Variants in SLC9A9 observed in about 807,000 individuals in gnomAD.
SLC9A9 encodes the protein sodium/hydrogen exchanger 9.
In SLC9A9, 62 loss-of-function variants were observed where a neutral mutation model predicts 77.8. That is an observed-to-expected ratio of 0.80 (90% CI 0.65 to 0.98). The LOEUF (loss-of-function observed/expected upper bound fraction) is 0.98. Among genes scored for constraint, SLC9A9 ranks in the 50% least tolerant of loss-of-function variants. The pLI, the probability that SLC9A9 is intolerant of heterozygous loss-of-function variation, is 0.00. For missense variants in SLC9A9, 775 were observed against 774.9 expected, an observed-to-expected ratio of 1.00 and a Z score of 0.00; for synonymous variants, 320 against 283.5, an observed-to-expected ratio of 1.13 and a Z score of -1.29.
chr3:143,372,968 T>C (rs555086091), intron 13 of SLC9A9, among the ~76,000 whole-genome samples: 260 of 152,288 alleles, frequency 1.7e-3, no homozygotes, highest in Non-Finnish European at 3.0e-3. Context: ...GTCATTGGCC[T>C]GAATGTGATG....
chr3:143,795,555 G>A (rs1322116755), intron 3 of SLC9A9, among the ~76,000 whole-genome samples: 1 of 152,192 alleles, frequency 6.6e-6, no homozygotes, highest in Non-Finnish European at 1.5e-5. Context: ...TCTTCTGAAT[G>A]TGATGAAAAT....
intron 5 of SLC9A9, among the ~76,000 whole-genome samples, chr3:143,673,876 T>C (rs1450264643): frequency 6.6e-6 from 1 of 152,112 alleles, no homozygotes; most frequent in Non-Finnish European, 1.5e-5. Context: ...TTCTTTTTAG[T>C]CTCTTTACAT....
chr3:143,780,304 T>A (rs1177851173), intron 4 of SLC9A9, among the ~76,000 whole-genome samples: 1 of 152,066 alleles, frequency 6.6e-6, no homozygotes, highest in Admixed American at 6.5e-5. Flanking sequence ...TAGTAAAAGG[T>A]GATGACGTGG....
At chr3:143,502,280 A>C (rs2035935170) in intron 9 of SLC9A9, among the ~76,000 whole-genome samples, 1 of 144,624 alleles carries the variant, frequency 6.9e-6, no homozygotes, top group Non-Finnish European at 1.5e-5. Flanking sequence ...GGGGGGAAGC[A>C]AGTTAATAGT....
chr3:143,692,561 C>A lies in SLC9A9; in HGVS notation c.649+631G>T, dbSNP rs573963066. 2.0e-5 allele frequency among the ~76,000 whole-genome samples: 3 copies of A among 152,092 alleles called. No homozygotes were observed. The South Asian group carries it at 6.2e-4, about 32-fold the overall frequency. ...TATGCCAATTCTTTTTACTATTCTC[C>A]CTATGTCTGATATGCTTGAAAAGTA... is the stretch of plus-strand genomic sequence containing the variant. On this transcript the variant is annotated intron_variant, in intron 5 of 15. Transcript: ENST00000316549.
At chr3:143,799,431 G>C (rs963345946) in intron 2 of SLC9A9, among the ~76,000 whole-genome samples, 1 of 152,038 alleles carries the variant, frequency 6.6e-6, no homozygotes, top group African/African-American at 2.4e-5. Flanking sequence ...ATGTATTTCT[G>C]AGTTGCAATT....
In SLC9A9 at chr3:143,704,995, A is replaced by ATATCTATCTATCTATCATC. The variant is rs1553782451; in HGVS notation, c.534-11689_534-11688insGATGATAGATAGATAGATA. 2.4e-3 allele frequency among the ~76,000 whole-genome samples: 277 copies of ATATCTATCTATCTATCATC among 116,036 alleles called. 1 individual carries two copies. The highest frequency in any genetic ancestry group is 4.9e-3 in the Admixed American group (57 of 11,714). 76.1% of individuals were successfully genotyped at this position (116,036 alleles called of 152,430 possible). A position where few individuals can be genotyped will look rare whatever the true frequency, so the allele number is the denominator to read the frequency against. On this transcript the variant is annotated intron_variant, in intron 4 of 15. Coordinates refer to ENST00000316549, the MANE Select transcript of SLC9A9 (RefSeq NM_173653.4). ...CAAGAAGAGTGAAACTCCATCTCAA[A>ATATCTATCTATCTATCATC]TATCTATCTATCTATCTATCTATCT...
intron 9 of SLC9A9, among the ~76,000 whole-genome samples, chr3:143,543,111 G>A (rs374353545): frequency 5.3e-5 from 8 of 152,288 alleles, no homozygotes; most frequent in African/African-American, 1.9e-4. Flanking sequence ...ATCTTTGTAA[G>A]ACAGAAATCT....
chr3:143,839,919 T>C (rs2009665236), intron 1 of SLC9A9, among the ~76,000 whole-genome samples: 1 of 152,198 alleles, frequency 6.6e-6, no homozygotes. Flanking sequence ...AAAGAAGGAC[T>C]CTTTAGTAAA....
chr3:143,495,369 T>A lies in SLC9A9; in HGVS notation c.1169A>T (p.His390Leu). ...MGLALFTFQN[H>L]IFNALFILGA... The stretch of plus-strand genomic sequence containing the variant: ...AAGTATAAAAAGAGCATTAAAGATA[T>A]GATTCTGGAACGTGAACAGTGCCAG... Residue 390 changes from histidine to leucine, a missense_variant, in exon 10 of 16, where the codon CAT becomes CTT. Coordinates refer to ENST00000316549, the MANE Select transcript of SLC9A9 (RefSeq NM_173653.4). 1.2e-6 allele frequency: 2 copies of A among 1,614,134 alleles called. No homozygotes were observed. The highest frequency in any genetic ancestry group is 1.7e-6 in the Non-Finnish European group (2 of 1,179,974).
At chr3:143,651,546 G>A (rs1222874831) in intron 6 of SLC9A9, among the ~76,000 whole-genome samples, 1 of 152,148 alleles carries the variant, frequency 6.6e-6, no homozygotes, top group Non-Finnish European at 1.5e-5. Flanking sequence ...TTTCCTTTGG[G>A]ATATCTGACA....
chr3:143,514,212 C>A (rs201847293), intron 9 of SLC9A9, among the ~76,000 whole-genome samples: 1 of 146,476 alleles, frequency 6.8e-6, no homozygotes, highest in Non-Finnish European at 1.5e-5. Flanking sequence ...TGAAAGGAAC[C>A]TTTTTTTTTT....
chr3:143,396,820 G>A (rs969065905), intron 12 of SLC9A9, among the ~76,000 whole-genome samples: 3 of 152,138 alleles, frequency 2.0e-5, no homozygotes, highest in Non-Finnish European at 2.9e-5. Context: ...TCCAGTGGAG[G>A]CTTGTTTATG....
chr3:143,517,331 A>G, intron 9 of SLC9A9: 2 of 1,235,198 alleles, frequency 1.6e-6, no homozygotes, highest in South Asian at 2.4e-5. Flanking sequence ...GCCCCCTCCC[A>G]TTCCAGGCAT....
intron 5 of SLC9A9, among the ~76,000 whole-genome samples, chr3:143,655,228 ACT>A (rs1293625122): frequency 2.0e-5 from 3 of 152,162 alleles, no homozygotes; most frequent in East Asian, 1.9e-4. Context: ...AATGTCCAAG[ACT>A]CTCTGCAGCA....
chr3:143,526,945 T>C (rs1462454050), intron 9 of SLC9A9, among the ~76,000 whole-genome samples: 1 of 152,148 alleles, frequency 6.6e-6, no homozygotes, highest in Non-Finnish European at 1.5e-5. Context: ...GTGGACTATA[T>C]ATAGATAAGT....
At chr3:143,561,526 T>C (rs947791125) in intron 8 of SLC9A9, among the ~76,000 whole-genome samples, 5 of 151,644 alleles carry the variant, frequency 3.3e-5, no homozygotes, top group African/African-American at 1.2e-4. Flanking sequence ...ACGGTAAGAG[T>C]AGGGTCCACG....
chr3:143,646,656 A>G (rs1457436638), intron 6 of SLC9A9, among the ~76,000 whole-genome samples: 1 of 152,154 alleles, frequency 6.6e-6, no homozygotes, highest in East Asian at 1.9e-4. Context: ...ATTCATCTCC[A>G]TGGAGAGACT....
At chr3:143,490,345 CA>C (rs2035719255) in intron 11 of SLC9A9, among the ~76,000 whole-genome samples, 1 of 152,054 alleles carries the variant, frequency 6.6e-6, no homozygotes, top group Non-Finnish European at 1.5e-5. Context: ...GCCTTTTTAA[CA>C]GGAAGGAAAT....
Sources: allele counts gnomAD v4.1 joint callset (sites outside exome capture counted in the v4.1 genomes callset), GRCh38; gene constraint gnomAD v4.1.1; transcripts MANE v1.5; gene names NCBI Gene and HGNC (gene_info 2026-07-23, HGNC 2026-07-21).